SKAP2: variants seen among roughly 807,000 people sequenced by gnomAD.
The protein encoded by SKAP2 is src kinase-associated phosphoprotein 2.
SKAP2 carries 28 observed loss-of-function variants against 54.9 expected under a neutral mutation model. The observed-to-expected ratio is 0.51, with a 90% CI of 0.38 to 0.70. The LOEUF (loss-of-function observed/expected upper bound fraction) is 0.70, where lower values mean the gene tolerates loss of function less well. Among genes scored for constraint, SKAP2 ranks in the 30% least tolerant of loss-of-function variants. SKAP2 has a pLI of 0.00. For synonymous variants in SKAP2, 137 were observed against 134.3 expected (o/e 1.02, Z -0.14); for missense variants, 356 against 424.1 (o/e 0.84, Z 1.41).
intron 9 of SKAP2, among the ~76,000 whole-genome samples, chr7:26,717,228 T>C (rs1787466358): frequency 6.6e-6 from 1 of 152,058 alleles, no homozygotes; most frequent in Non-Finnish European, 1.5e-5. Flanking sequence ...AAGCAGGCAT[T>C]GGCCTGGCAC....
intron 4 of SKAP2, among the ~76,000 whole-genome samples, chr7:26,798,737 A>G (rs1783840698): frequency 1.3e-5 from 2 of 152,174 alleles, no homozygotes; most frequent in African/African-American, 4.8e-5. Context: ...ATATAAATAA[A>G]AACAACAAAA....
chr7:26,664,141 T>C (rs1355104235), downstream of SKAP2, among the ~76,000 whole-genome samples: 1 of 152,172 alleles, frequency 6.6e-6, no homozygotes, highest in African/African-American at 2.4e-5. Flanking sequence ...AGAACAGTGT[T>C]CAATTCAGGG....
intron 4 of SKAP2, among the ~76,000 whole-genome samples, chr7:26,784,354 T>C (rs896972859): frequency 6.6e-6 from 1 of 152,216 alleles, no homozygotes; most frequent in Non-Finnish European, 1.5e-5. Flanking sequence ...CCTAAGTTGA[T>C]GGAGCAAAAG....
At chr7:26,705,175 C>A (rs114710212) in intron 9 of SKAP2, among the ~76,000 whole-genome samples, 1 of 152,144 alleles carries the variant, frequency 6.6e-6, no homozygotes. Flanking sequence ...TTCTTGTTTT[C>A]TCATCCCCAA....
chr7:26,679,671 C>T (rs899803444), intron 11 of SKAP2, among the ~76,000 whole-genome samples: 2 of 152,144 alleles, frequency 1.3e-5, no homozygotes, highest in African/African-American at 4.8e-5. Context: ...CTGGGTCATA[C>T]GGTTACAAAT....
At chr7:26,816,967 T>C (rs1784277644) in intron 4 of SKAP2, among the ~76,000 whole-genome samples, 4 of 152,156 alleles carry the variant, frequency 2.6e-5, no homozygotes, top group Non-Finnish European at 1.5e-5. Context: ...GTCACAGTGA[T>C]GGAAAAATTA....
At chr7:26,703,740 T>C (rs1787098196) in intron 9 of SKAP2, among the ~76,000 whole-genome samples, 1 of 152,220 alleles carries the variant, frequency 6.6e-6, no homozygotes, top group Non-Finnish European at 1.5e-5. Context: ...ATAATCTGTT[T>C]ACTGTGTACT....
chr7:26,756,117 T>C (rs552361668), intron 4 of SKAP2, among the ~76,000 whole-genome samples: 20 of 152,242 alleles, frequency 1.3e-4, no homozygotes, highest in Non-Finnish European at 2.6e-4. Flanking sequence ...ATGTCCACGA[T>C]ACTTGGTTGA....
intron 4 of SKAP2, among the ~76,000 whole-genome samples, chr7:26,834,083 C>A (rs1417398366): frequency 6.6e-6 from 1 of 152,142 alleles, no homozygotes; most frequent in Non-Finnish European, 1.5e-5. Context: ...ACAACCTGCT[C>A]CTGAATCACT....
intron 3 of SKAP2, among the ~76,000 whole-genome samples, chr7:26,846,158 A>G (rs1286257040): frequency 6.6e-6 from 1 of 152,112 alleles, no homozygotes; most frequent in Non-Finnish European, 1.5e-5. Context: ...AGAATATTTC[A>G]TATCTCACAC....
chr7:26,682,136 T>C (rs896655667), intron 11 of SKAP2, among the ~76,000 whole-genome samples: 2 of 152,200 alleles, frequency 1.3e-5, no homozygotes, highest in South Asian at 2.1e-4. Context: ...TGTACTTAAT[T>C]TGTAATAATA....
intron 4 of SKAP2, among the ~76,000 whole-genome samples, chr7:26,752,030 T>C (rs1181842600): frequency 1.3e-5 from 2 of 152,160 alleles, no homozygotes; most frequent in Non-Finnish European, 2.9e-5. Context: ...TTTGTGTTAT[T>C]CTCGCAACTT....
chr7:26,743,929 C>T (rs964839101), intron 4 of SKAP2, among the ~76,000 whole-genome samples: 2 of 152,142 alleles, frequency 1.3e-5, no homozygotes, highest in African/African-American at 4.8e-5. Context: ...CATAAGGTAA[C>T]TGATTCTAAA....
chr7:26,779,430 T>G (rs928148907), intron 4 of SKAP2, among the ~76,000 whole-genome samples: 3 of 152,012 alleles, frequency 2.0e-5, no homozygotes, highest in Non-Finnish European at 4.4e-5. Context: ...CTAACAATAC[T>G]CAATGAAATT....
intron 4 of SKAP2, among the ~76,000 whole-genome samples, chr7:26,837,462 G>C (rs1437238070): frequency 6.6e-6 from 1 of 152,076 alleles, no homozygotes; most frequent in Admixed American, 6.6e-5. Flanking sequence ...AAGGCAAAGC[G>C]GGAGCAGGCA....
chr7:26,844,339 T>C (rs1784881433), intron 3 of SKAP2, among the ~76,000 whole-genome samples: 1 of 152,096 alleles, frequency 6.6e-6, no homozygotes, highest in Non-Finnish European at 1.5e-5. Flanking sequence ...AACTTAGATA[T>C]AGTAAGAATT....
intron 4 of SKAP2, among the ~76,000 whole-genome samples, chr7:26,808,700 G>C (rs1784077937): frequency 6.6e-6 from 1 of 151,990 alleles, no homozygotes; most frequent in South Asian, 2.1e-4. Flanking sequence ...TCTCAACCTT[G>C]GTTCCGATAC....
intron 4 of SKAP2, among the ~76,000 whole-genome samples, chr7:26,798,350 T>C (rs1251430613): frequency 6.7e-6 from 1 of 149,624 alleles, no homozygotes. Flanking sequence ...ACTTCAAATA[T>C]GAAGGAGAAA....
intron 9 of SKAP2, among the ~76,000 whole-genome samples, chr7:26,721,549 T>G (rs1015097305): frequency 1.3e-5 from 2 of 152,002 alleles, no homozygotes; most frequent in Non-Finnish European, 2.9e-5. Flanking sequence ...TAAAAAAAAA[T>G]GAATTCACAC....
Sources: allele counts gnomAD v4.1 joint callset (sites outside exome capture counted in the v4.1 genomes callset), GRCh38; gene constraint gnomAD v4.1.1; transcripts MANE v1.5; gene names NCBI Gene and HGNC (gene_info 2026-07-23, HGNC 2026-07-21).